SLC44A5: variants seen among roughly 807,000 people sequenced by gnomAD.
SLC44A5 encodes the protein solute carrier family 44 member 5.
SLC44A5 carries 57 observed loss-of-function variants against 101.8 expected under a neutral mutation model. That is an observed-to-expected ratio of 0.56 (90% CI 0.45 to 0.70). The LOEUF (loss-of-function observed/expected upper bound fraction) is 0.70, where lower values mean the gene tolerates loss of function less well. Among genes scored for constraint, SLC44A5 ranks in the 30% least tolerant of loss-of-function variants. The probability of loss-of-function intolerance (pLI) is 0.00; values close to 1 mark genes in which losing one functional copy is unlikely to be tolerated. For synonymous variants in SLC44A5, 281 were observed against 290.9 expected (o/e 0.97, Z 0.35); for missense variants, 737 against 853.1 (o/e 0.86, Z 1.70).
chr1:75,482,219 A>G (rs1312987585), intron 2 of SLC44A5, among the ~76,000 whole-genome samples: 5 of 150,940 alleles, frequency 3.3e-5, no homozygotes, highest in African/African-American at 4.9e-5. Flanking sequence ...GAACTGAACA[A>G]TGAGAACACA....
At chr1:75,506,203 G>C (rs1669245312) in intron 2 of SLC44A5, among the ~76,000 whole-genome samples, 1 of 152,016 alleles carries the variant, frequency 6.6e-6, no homozygotes, top group Non-Finnish European at 1.5e-5. Flanking sequence ...CTGTTCCATT[G>C]GTCTGTATGT....
intron 5 of SLC44A5, among the ~76,000 whole-genome samples, chr1:75,277,803 G>C (rs1362309349): frequency 6.6e-6 from 1 of 152,014 alleles, no homozygotes; most frequent in Non-Finnish European, 1.5e-5. Flanking sequence ...TTGAACTGTG[G>C]CAGGTGGTTG....
At chr1:75,308,381 T>C (rs921857287) in intron 4 of SLC44A5, among the ~76,000 whole-genome samples, 3 of 149,712 alleles carry the variant, frequency 2.0e-5, no homozygotes, top group Non-Finnish European at 4.4e-5. Flanking sequence ...GTAAAGAGAA[T>C]TGAAACCTGA....
At chr1:75,341,996 T>G (rs1245488233) in intron 3 of SLC44A5, among the ~76,000 whole-genome samples, 1 of 152,160 alleles carries the variant, frequency 6.6e-6, no homozygotes, top group Admixed American at 6.5e-5. Context: ...ATCTATTTGA[T>G]TTTAGTCTCA....
At chr1:75,668,573 T>C in the SLC44A5 span, among the ~76,000 whole-genome samples, 38,065 of 150,794 alleles carry the variant, frequency 0.25, 5,373 homozygotes, top group Non-Finnish European at 0.3. Context: ...CTGCCTGCCT[T>C]GGCCTCCCAA....
At chr1:75,245,056 T>C (rs1390104336) in intron 7 of SLC44A5, among the ~76,000 whole-genome samples, 1 of 152,140 alleles carries the variant, frequency 6.6e-6, no homozygotes, top group African/African-American at 2.4e-5. Flanking sequence ...GCATTTGGTG[T>C]GGACCCTACA....
intron 5 of SLC44A5, among the ~76,000 whole-genome samples, chr1:75,287,426 C>CTTTTTTTTTTTTTTT (rs371647505): frequency 8.6e-5 from 6 of 69,908 alleles, no homozygotes; most frequent in East Asian, 5.3e-4. Context: ...CTTCTGAATT[C>CTTTTTTTTTTTTTTT]TTTTTTTTTT....
chr1:75,259,162 C>T lies in SLC44A5; in HGVS notation c.261-7868G>A, dbSNP rs183919237. Among the ~76,000 whole-genome samples the T allele has an allele frequency of 9.7e-4, 147 of 152,246 alleles. 1 individual carries two copies. In the East Asian group the frequency reaches 0.014, roughly 15 times the overall value. ...ACTCCTCGCCAGCAAGGCAACAAAACTGGACAGAGAATGAGTTTGACAAAT... is the reference window on the plus strand; with the variant it reads ...ACTCCTCGCCAGCAAGGCAACAAAATTGGACAGAGAATGAGTTTGACAAAT... On this transcript the variant is annotated intron_variant, in intron 6 of 23. Transcript: ENST00000370859.
chr1:75,357,436 T>C (rs994474695), intron 3 of SLC44A5, among the ~76,000 whole-genome samples: 17 of 152,174 alleles, frequency 1.1e-4, no homozygotes, highest in African/African-American at 3.9e-4. Flanking sequence ...GCTTTCTCTG[T>C]AAGGCCCTAT....
chr1:75,698,891 G>A, the SLC44A5 span, among the ~76,000 whole-genome samples: 1 of 152,212 alleles, frequency 6.6e-6, no homozygotes, highest in Non-Finnish European at 1.5e-5. Context: ...TCAACTGGAA[G>A]ACAGGGTATC....
chr1:75,523,753 G>A (rs1436226540), intron 2 of SLC44A5, among the ~76,000 whole-genome samples: 2 of 152,160 alleles, frequency 1.3e-5, no homozygotes, highest in Admixed American at 6.5e-5. Context: ...CCCCACAGGG[G>A]ACATTTGACA....
chr1:75,709,652 C>A, the SLC44A5 span, among the ~76,000 whole-genome samples: 3 of 152,156 alleles, frequency 2.0e-5, no homozygotes, highest in South Asian at 6.2e-4. Flanking sequence ...TTTTAAAAAT[C>A]TCTCCTAAAT....
At chr1:75,651,688 C>A in the SLC44A5 span, among the ~76,000 whole-genome samples, 74 of 122,118 alleles carry the variant, frequency 6.1e-4, no homozygotes, top group African/African-American at 2.3e-3. Flanking sequence ...CAGAGCGAGA[C>A]TCTGTCTCAA....
At chr1:75,408,723 G>T (rs1663074146) in intron 2 of SLC44A5, among the ~76,000 whole-genome samples, 1 of 152,106 alleles carries the variant, frequency 6.6e-6, no homozygotes, top group Non-Finnish European at 1.5e-5. Flanking sequence ...TGGGGGGCTA[G>T]GGGAGGGATA....
At chr1:75,644,582 C>T in the SLC44A5 span, among the ~76,000 whole-genome samples, 1 of 151,350 alleles carries the variant, frequency 6.6e-6, no homozygotes, top group East Asian at 1.9e-4. Flanking sequence ...TAACAAAATA[C>T]AAATTAACAA....
At chr1:75,670,113 T>C in the SLC44A5 span, among the ~76,000 whole-genome samples, 1 of 151,980 alleles carries the variant, frequency 6.6e-6, no homozygotes, top group South Asian at 2.1e-4. Flanking sequence ...AAAGAGAAGA[T>C]AAAGAGATCA....
chr1:75,256,013 G>C (rs905090145), intron 6 of SLC44A5, among the ~76,000 whole-genome samples: 2 of 152,078 alleles, frequency 1.3e-5, no homozygotes, highest in African/African-American at 4.8e-5. Context: ...GAAGGTAATT[G>C]AGAATATTCT....
intron 3 of SLC44A5, among the ~76,000 whole-genome samples, chr1:75,368,657 AC>A (rs1660020455): frequency 6.7e-6 from 1 of 149,850 alleles, no homozygotes; most frequent in Admixed American, 6.9e-5. Flanking sequence ...ACACACACAC[AC>A]ACACACACAC....
intron 2 of SLC44A5, among the ~76,000 whole-genome samples, chr1:75,517,266 A>T (rs1359732028): frequency 6.6e-6 from 1 of 152,100 alleles, no homozygotes; most frequent in Non-Finnish European, 1.5e-5. Context: ...ATCACAAATG[A>T]GGAGAGCTAA....
Sources: gnomAD v4.1 joint callset for allele counts (sites outside exome capture counted in the v4.1 genomes callset) on GRCh38, gnomAD v4.1.1 for gene constraint, MANE v1.5 for transcripts, NCBI Gene and HGNC (gene_info 2026-07-23, HGNC 2026-07-21) for gene names.